The following GRK5 variants were observed in gnomAD, a reference collection of about 807,000 sequenced individuals.
The protein encoded by GRK5 is g protein-coupled receptor kinase GRK5.
Under a neutral mutation model 78.4 loss-of-function variants are expected in GRK5, and 40 were observed. The ratio of observed to expected loss-of-function variants is 0.51; its 90% CI spans 0.40 to 0.66. The LOEUF (loss-of-function observed/expected upper bound fraction) is 0.66, where lower values mean the gene tolerates loss of function less well. GRK5 is among the 30% of genes least tolerant of loss of function. The pLI is 0.00. For synonymous variants in GRK5, 289 were observed against 296.8 expected (o/e 0.97, Z 0.27); for missense variants, 598 against 759.9 (o/e 0.79, Z 2.50).
rs76248739 is a variant in GRK5, at chr10:119,423,392, T to C, written c.440+126T>C. Reference sequence around the variant, plus strand: ...ATGCCTGACAGCTTCAGCCAAGTTATACCAACTGTTTGTATACTTCCCACG... The same window carrying C: ...ATGCCTGACAGCTTCAGCCAAGTTACACCAACTGTTTGTATACTTCCCACG... On this transcript the variant is annotated intron_variant, in intron 5 of 15. Transcript: ENST00000392870. 231 of 667,128 alleles carry C rather than the reference T, an allele frequency of 3.5e-4. No homozygotes were observed. In the East Asian group the frequency reaches 3.7e-3, roughly 11 times the overall value. 41.3% of individuals were successfully genotyped at this position (667,128 alleles called of 1,614,324 possible).
intron 2 of GRK5, among the ~76,000 whole-genome samples, chr10:119,340,284 G>A (rs900349650): frequency 2.6e-5 from 4 of 151,876 alleles, no homozygotes; most frequent in East Asian, 1.9e-4. Flanking sequence ...GCGCCACCAC[G>A]CCCAGCTAAA....
chr10:119,359,459 A>G lies in GRK5; in HGVS notation c.149-21356A>G, dbSNP rs572315214. ...GCAAAGCAGGTTGTGTTTCCAGGTC[A>G]TTCGTGTGGAAGGGAATGGGATCCC... is the stretch of plus-strand genomic sequence containing the variant. On this transcript the variant is annotated intron_variant, in intron 2 of 15. Coordinates refer to ENST00000392870, the MANE Select transcript of GRK5 (RefSeq NM_005308.3). 2.6e-5 allele frequency among the ~76,000 whole-genome samples: 4 copies of G among 152,264 alleles called. No homozygotes were observed. In the South Asian group the frequency reaches 8.3e-4, roughly 32 times the overall value.
intron 1 of GRK5, among the ~76,000 whole-genome samples, chr10:119,263,652 A>G (rs1849447434): frequency 6.6e-6 from 1 of 152,148 alleles, no homozygotes; most frequent in South Asian, 2.1e-4. Context: ...GGCCAGGCGC[A>G]GTGGCTCATG....
chr10:119,329,797 G>C (rs1308969111), intron 2 of GRK5, among the ~76,000 whole-genome samples: 3 of 151,692 alleles, frequency 2.0e-5, no homozygotes, highest in Non-Finnish European at 2.9e-5. Context: ...TGGCATAGCT[G>C]GTTACTGTAG....
intron 2 of GRK5, among the ~76,000 whole-genome samples, chr10:119,366,504 AG>A (rs1236387855): frequency 6.6e-6 from 1 of 152,122 alleles, no homozygotes; most frequent in Non-Finnish European, 1.5e-5. Context: ...TCAGGGCAGG[AG>A]GGGGGCAGCT....
intron 1 of GRK5, among the ~76,000 whole-genome samples, chr10:119,279,360 C>T (rs1849721860): frequency 6.6e-6 from 1 of 152,224 alleles, no homozygotes; most frequent in Admixed American, 6.5e-5. Context: ...TACAATTCTG[C>T]TTATCACAGG....
chr10:119,447,496 C>T (rs896813622), intron 12 of GRK5, among the ~76,000 whole-genome samples: 1 of 152,164 alleles, frequency 6.6e-6, no homozygotes, highest in Non-Finnish European at 1.5e-5. Flanking sequence ...ACCTGTATAC[C>T]CCTCCCCCTA....
intron 2 of GRK5, among the ~76,000 whole-genome samples, chr10:119,363,541 A>G (rs537871964): frequency 2.6e-5 from 4 of 152,292 alleles, no homozygotes; most frequent in South Asian, 2.1e-4. Flanking sequence ...TCCCTCATGG[A>G]ACAGTGCTGG....
At chr10:119,286,222 AGCC>A (rs1240907869) in intron 1 of GRK5, among the ~76,000 whole-genome samples, 3 of 152,354 alleles carry the variant, frequency 2.0e-5, no homozygotes, top group African/African-American at 7.2e-5. Flanking sequence ...TGTACCCTGC[AGCC>A]ACCACTACAA....
rs1055591255 is a variant in GRK5, at chr10:119,455,525, G to A, written c.*458G>A. ...GCCATGTGTTCCAAGGCATTTTAGC[G>A]GGGAGGGGGTTATCAAAAAAAAAAA... On this transcript the variant is annotated 3_prime_UTR_variant, in exon 16 of 16. Coordinates refer to ENST00000392870, the MANE Select transcript of GRK5 (RefSeq NM_005308.3). 6.9e-5 allele frequency: 20 copies of A among 290,622 alleles called. No individual in the cohort carries two copies. The highest frequency in any genetic ancestry group is 3.7e-4 in the African/African-American group (16 of 42,864). 18.0% of individuals were successfully genotyped at this position (290,622 alleles called of 1,614,324 possible). A position where few individuals can be genotyped will look rare whatever the true frequency, so the allele number is the denominator to read the frequency against.
intron 2 of GRK5, chr10:119,333,811 G>A (rs970311704): frequency 1.9e-6 from 1 of 533,090 alleles, no homozygotes; most frequent in Non-Finnish European, 3.8e-6. Context: ...ATCCACCAAG[G>A]AGCATGGGAG....
intron 1 of GRK5, among the ~76,000 whole-genome samples, chr10:119,214,450 A>G (rs1480751301): frequency 1.3e-5 from 2 of 152,182 alleles, no homozygotes; most frequent in African/African-American, 2.4e-5. Flanking sequence ...AGCATAATTA[A>G]AAGGTTATAC....
Position 119,359,570 on chromosome 10 carries a change from C to A in GRK5, c.149-21245C>A, listed in dbSNP as rs111588413. 2.1e-3 allele frequency among the ~76,000 whole-genome samples: 323 copies of A among 152,330 alleles called. 2 individuals are homozygous for A. The highest frequency in any genetic ancestry group is 7.4e-3 in the African/African-American group (306 of 41,576). On this transcript the variant is annotated intron_variant, in intron 2 of 15. Transcript: ENST00000392870. ...TCAGAGCAAAGACCTGCAGAGGGGACCACTGCATGTGGCAGCTGCCCCAGA... is the reference window on the plus strand; with the variant it reads ...TCAGAGCAAAGACCTGCAGAGGGGAACACTGCATGTGGCAGCTGCCCCAGA...
rs181171761 is a variant in GRK5 at position 119,449,028 on chromosome 10, C to T, written c.1404+768C>T. On this transcript the variant is annotated intron_variant, in intron 13 of 15. Coordinates refer to ENST00000392870, the MANE Select transcript of GRK5 (RefSeq NM_005308.3). ...TGTGCTTCGGCTCCTGCCACGCTCCCGCGGATGACCCCTTGCTGGCAGGGG... is the reference window on the plus strand; with the variant it reads ...TGTGCTTCGGCTCCTGCCACGCTCCTGCGGATGACCCCTTGCTGGCAGGGG... 4.1e-3 allele frequency among the ~76,000 whole-genome samples: 621 copies of T among 151,936 alleles called. 3 individuals carry two copies. The highest frequency in any genetic ancestry group is 0.014 in the African/African-American group (584 of 41,568).
chr10:119,332,107 ATTT>A (rs35213335), intron 2 of GRK5, among the ~76,000 whole-genome samples: 10 of 131,758 alleles, frequency 7.6e-5, no homozygotes, highest in Admixed American at 1.5e-4. Context: ...TGTAATTTTG[ATTT>A]TTTTTTTTTT....
At chr10:119,220,806 G>C (rs1848645399) in intron 1 of GRK5, among the ~76,000 whole-genome samples, 1 of 147,906 alleles carries the variant, frequency 6.8e-6, no homozygotes, top group Admixed American at 6.9e-5. Context: ...CTGCACTCCA[G>C]CCTGGGTGAC....
At chr10:119,262,511 T>A (rs113274286) in intron 1 of GRK5, among the ~76,000 whole-genome samples, 23,771 of 151,614 alleles carry the variant, frequency 0.16, 1,981 homozygotes, top group African/African-American at 0.2. Flanking sequence ...GCTAATTTTT[T>A]AAAAATATTT....
In GRK5 at chr10:119,267,175, G is replaced by A. The variant is rs1230673214; in HGVS notation, c.52+59206G>A. ...GGAGAATTGCTTGAACCTGCGAGGC[G>A]GAGGTTGCAGCGAGCCGAGATCACA... is the stretch of plus-strand genomic sequence containing the variant. On this transcript the variant is annotated intron_variant, in intron 1 of 15. Transcript: ENST00000392870. The surrounding 1 kb of genome is among the most constrained non-coding windows in gnomAD (Gnocchi z 4.1). Among the ~76,000 whole-genome samples, 2 of 151,448 alleles carry A rather than the reference G, an allele frequency of 1.3e-5. No homozygotes were observed. Among genetic ancestry groups the A allele is most frequent in the Admixed American group, 6.6e-5 (1 of 15,228 alleles).
At chr10:119,343,746 G>A (rs932064061) in intron 2 of GRK5, among the ~76,000 whole-genome samples, 5 of 152,164 alleles carry the variant, frequency 3.3e-5, no homozygotes, top group Admixed American at 6.5e-5. Context: ...TCCTTGCCCC[G>A]CAGATAGTAG....
Sources: gnomAD v4.1 joint callset for allele counts (sites outside exome capture counted in the v4.1 genomes callset) on GRCh38, gnomAD v4.1.1 for gene constraint, Gnocchi (gnomAD v3.1) non-coding constraint, MANE v1.5 for transcripts, NCBI Gene and HGNC (gene_info 2026-07-23, HGNC 2026-07-21) for gene names.